The following CROCC2 variants were observed in gnomAD, a reference collection of about 807,000 sequenced individuals.
CROCC2 encodes the protein ciliary rootlet coiled-coil, rootletin family member 2, also known as ciliary rootlet coiled-coil protein 2.
CROCC2 carries 163 observed loss-of-function variants against 177.6 expected under a neutral mutation model. The observed-to-expected ratio is 0.92, with a 90% CI of 0.81 to 1.05. The LOEUF (loss-of-function observed/expected upper bound fraction) is 1.05, where lower values mean the gene tolerates loss of function less well. Ranked by LOEUF, CROCC2 falls within the 50% of genes least tolerant of loss-of-function variation. The probability of loss-of-function intolerance (pLI) is 0.00; values close to 1 mark genes in which losing one functional copy is unlikely to be tolerated. For synonymous variants in CROCC2, 904 were observed against 787.3 expected (o/e 1.15, Z -2.48); for missense variants, 1,929 against 1,797.8 (o/e 1.07, Z -1.32).
At chr2:240,954,370 A>G (rs1044290116) in intron 18 of CROCC2, among the ~76,000 whole-genome samples, 65 of 152,174 alleles carry the variant, frequency 4.3e-4, no homozygotes, top group Non-Finnish European at 8.2e-4. Flanking sequence ...ACCTGACTAC[A>G]AGTGTGGGGG....
At chr2:240,989,617 G>A in intron 29 of CROCC2, 37 bp from the exon 30 acceptor site, 1 of 1,520,264 alleles carries the variant, frequency 6.6e-7, no homozygotes, top group South Asian at 1.2e-5. Context: ...GGCCCTCAGT[G>A]AGAGACAGCA....
intron 5 of CROCC2, chr2:240,929,731 C>G (rs1427901865): frequency 2.2e-6 from 1 of 460,488 alleles, no homozygotes; most frequent in Admixed American, 2.3e-5. Flanking sequence ...AAAGGCAGCC[C>G]GTCCTCTTCC....
chr2:240,933,878 G>T, intron 11 of CROCC2, 26 bp downstream of exon 11: 1 of 1,534,778 alleles, frequency 6.5e-7, no homozygotes, highest in Non-Finnish European at 8.8e-7. Context: ...TGGGTGGGCA[G>T]GGCCCCTCCC....
intron 27 of CROCC2, among the ~76,000 whole-genome samples, chr2:240,975,614 C>A (rs780037111): frequency 9.2e-5 from 14 of 152,116 alleles, no homozygotes; most frequent in Admixed American, 2.0e-4. Context: ...CCCTTCTGCT[C>A]CTGTTCAGAT....
chr2:240,983,214 T>C, intron 28 of CROCC2, 185 bp downstream of exon 28: 1 of 840,614 alleles, frequency 1.2e-6, no homozygotes, highest in Non-Finnish European at 1.8e-6. Flanking sequence ...CGCTGACAGA[T>C]GGGGAAACTG....
At chr2:240,987,513 C>G (rs1338755402) in intron 28 of CROCC2, among the ~76,000 whole-genome samples, 2 of 152,184 alleles carry the variant, frequency 1.3e-5, no homozygotes, top group African/African-American at 4.8e-5. Flanking sequence ...GAAAGGAACC[C>G]TTATTTTTTG....
At chr2:240,919,322 G>A (rs1206224582) in intron 2 of CROCC2, among the ~76,000 whole-genome samples, 7 of 152,148 alleles carry the variant, frequency 4.6e-5, no homozygotes, top group Admixed American at 6.5e-5. Context: ...CTGCGTCTCC[G>A]CTTCATTGGT....
intron 24 of CROCC2, 92 bp from the exon 25 acceptor site, chr2:240,966,133 T>C: frequency 5.6e-6 from 7 of 1,252,368 alleles, no homozygotes; most frequent in Non-Finnish European, 7.0e-6. Flanking sequence ...CTCCCCAACC[T>C]CCCATGGCTG....
At chr2:240,916,180 G>T (rs1311738413) in intron 1 of CROCC2, among the ~76,000 whole-genome samples, 2 of 152,024 alleles carry the variant, frequency 1.3e-5, no homozygotes, top group African/African-American at 4.8e-5. Context: ...GGTCCTAAGC[G>T]CTTAGGCTGG....
chr2:240,946,578 G>A (rs2106468099), intron 15 of CROCC2, among the ~76,000 whole-genome samples: 1 of 152,322 alleles, frequency 6.6e-6, no homozygotes, highest in East Asian at 1.9e-4. Context: ...TCCAACTTCA[G>A]GTATGGCTGG....
chr2:240,988,953 G>A (rs1574802220), intron 29 of CROCC2, 83 bp downstream of exon 29: 3 of 1,302,216 alleles, frequency 2.3e-6, no homozygotes, highest in Non-Finnish European at 3.0e-6. Flanking sequence ...CAGTTCCAGA[G>A]GGGTGGCTGG....
Position 240,935,425 on chromosome 2 carries a change from G to A in CROCC2, c.2006G>A (p.Gly669Glu). Residue 669 changes from glycine (G) to glutamate (E), a missense_variant, in exon 14 of 32, where the codon GGG becomes GAG. Around this residue, in one of 3 missense-constraint regions of CROCC2, gnomAD observed 1,397 missense variants for 1,239.9 expected, o/e 1.13. Coordinates refer to ENST00000690015, the MANE Select transcript of CROCC2 (RefSeq NM_001351305.2). ...CTGGAGCAGGAACGGGCCCGGGCCGGGGAGCAGCTGGCACAGGCGGAGCAG... is the reference window on the plus strand; with the variant it reads ...CTGGAGCAGGAACGGGCCCGGGCCGAGGAGCAGCTGGCACAGGCGGAGCAG... Reference protein sequence around the residue: ...KTLEQERARAGEQLAQAEQQL... With the variant: ...KTLEQERARAEEQLAQAEQQL... 1.5e-6 allele frequency: 2 copies of A among 1,375,126 alleles called. No homozygotes were observed. The highest frequency in any genetic ancestry group is 1.8e-5 in the South Asian group (1 of 55,768). 85.2% of individuals were successfully genotyped at this position (1,375,126 alleles called of 1,614,324 possible).
rs1559607927 is a variant in CROCC2 at position 240,964,584 on chromosome 2, G to GGCAC, written c.3425_3426insCACG (p.Gly1143ThrfsTer31). 1 of 1,549,408 alleles carries GGCAC rather than the reference G, an allele frequency of 6.5e-7. No individual in the cohort carries two copies. On this transcript the variant is annotated frameshift_variant, in exon 22 of 32. Transcript: ENST00000690015. LOFTEE classifies it high-confidence loss of function. ...CCACCTGTGGGAGCTGGAGCAGGCAGGGGGGGACGCCCGTCAGGAGCTCCG... is the reference window on the plus strand; with the variant it reads ...CCACCTGTGGGAGCTGGAGCAGGCAGGCACGGGGGGACGCCCGTCAGGAGCTCCG...
rs1402245417 is a variant in CROCC2 at position 240,972,073 on chromosome 2, C to T, written c.4401+3811C>T. On this transcript the variant is annotated intron_variant, in intron 27 of 31. Transcript: ENST00000690015. This position sits in a 1 kb window ranked among gnomAD's most constrained non-coding sequence, Gnocchi z 7.1. ...TAATTAGAGACTCTCAGATCTGATT[C>T]CTCAGATCGACTTTATTTTCTCAAA... Among the ~76,000 whole-genome samples the T allele has an allele frequency of 6.6e-6, 1 of 152,174 alleles. No homozygotes were observed. The highest frequency in any genetic ancestry group is 2.4e-5 in the African/African-American group (1 of 41,432).
intron 5 of CROCC2, among the ~76,000 whole-genome samples, chr2:240,928,956 G>A (rs74000142): frequency 0.031 from 4,649 of 151,306 alleles, 216 homozygotes; most frequent in African/African-American, 0.11. Flanking sequence ...GCATGCCCTC[G>A]GAGGGTGTAT....
intron 11 of CROCC2, 126 bp from the exon 12 acceptor site, chr2:240,934,205 G>A: frequency 9.3e-7 from 1 of 1,072,254 alleles, no homozygotes; most frequent in Non-Finnish European, 1.3e-6. Context: ...GTCCTCCAGG[G>A]ACTCCATGCT....
intron 1 of CROCC2, among the ~76,000 whole-genome samples, chr2:240,911,117 C>T (rs746858480): frequency 3.1e-4 from 47 of 151,942 alleles, no homozygotes; most frequent in Non-Finnish European, 5.4e-4. Context: ...GGAGACAGAG[C>T]GAGACCCTGT....
At chr2:240,939,320 G>T (rs574496438) in intron 14 of CROCC2, among the ~76,000 whole-genome samples, 36 of 152,188 alleles carry the variant, frequency 2.4e-4, no homozygotes, top group African/African-American at 8.4e-4. Context: ...TAATTTTTTA[G>T]ATGTTAAACT....
chr2:240,930,567 A>T (rs1427609413), intron 6 of CROCC2, among the ~76,000 whole-genome samples: 1 of 152,116 alleles, frequency 6.6e-6, no homozygotes, highest in Non-Finnish European at 1.5e-5. Flanking sequence ...ACACCTACCC[A>T]GATGGAGCTT....
Sources: gnomAD v4.1 joint callset for allele counts (sites outside exome capture counted in the v4.1 genomes callset) on GRCh38, gnomAD v4.1.1 for gene constraint, gnomAD v4.1.1 regional missense constraint, Gnocchi (gnomAD v3.1) non-coding constraint, MANE v1.5 for transcripts, NCBI Gene and HGNC (gene_info 2026-07-23, HGNC 2026-07-21) for gene names.